Variants in ADGRE3 observed in about 807,000 individuals in gnomAD.
ADGRE3 encodes the protein adhesion G protein-coupled receptor E3.
Under a neutral mutation model 80.1 loss-of-function variants are expected in ADGRE3, and 88 were observed. The observed-to-expected ratio is 1.10, with a 90% CI of 0.93 to 1.31. ADGRE3 has a LOEUF of 1.31. Among genes scored for constraint, ADGRE3 ranks in the 40% most tolerant of loss-of-function variants. ADGRE3 has a pLI of 0.00. For missense variants in ADGRE3, 715 were observed against 776.5 expected, an observed-to-expected ratio of 0.92 and a Z score of 0.94; for synonymous variants, 281 against 294.8, an observed-to-expected ratio of 0.95 and a Z score of 0.48.
rs1333057535 is a variant in ADGRE3 at position 14,654,800 on chromosome 19, C to G, written c.577+182G>C. Among the ~76,000 whole-genome samples, 7 of 152,212 alleles carry G rather than the reference C, an allele frequency of 4.6e-5. No homozygotes were observed. In the South Asian group the frequency reaches 1.5e-3, roughly 32 times the overall value. On this transcript the variant is annotated intron_variant, in intron 6 of 15. Coordinates refer to ENST00000253673, the MANE Select transcript of ADGRE3 (RefSeq NM_032571.5). ...CAGATTTTCTCATGCCTCTGCCACC[C>G]CTCCCTCCTGCCCCTCCCTGTCACT...
chr19:14,617,342 C>CTCCCTCCCTCTA (rs2075083656), downstream of ADGRE3, among the ~76,000 whole-genome samples: 1 of 20,588 alleles, frequency 4.9e-5, no homozygotes, highest in Non-Finnish European at 1.2e-4. Context: ...CCCTCCCTCC[C>CTCCCTCCCTCTA]TTTCTTTCTT....
chr19:14,638,829 T>C (rs896277306), intron 10 of ADGRE3, among the ~76,000 whole-genome samples: 1 of 152,192 alleles, frequency 6.6e-6, no homozygotes, highest in Non-Finnish European at 1.5e-5. Flanking sequence ...TTCTACTCTC[T>C]ACTCCTACTG....
chr19:14,625,606 C>T lies in ADGRE3; in HGVS notation c.1813-7G>A. ...TTTGATATTGTTTCTGGACCTGGAA[C>T]ATCAAAGGAAATACCTGGATGGGTT... is the stretch of plus-strand genomic sequence containing the variant. On this transcript the variant is annotated splice_region_variant and splice_polypyrimidine_tract_variant and intron_variant, in intron 14 of 15. Transcript: ENST00000253673. The T allele has an allele frequency of 6.3e-7, 1 of 1,584,224 alleles. No homozygotes were observed. Among genetic ancestry groups the T allele is most frequent in the Non-Finnish European group, 8.7e-7 (1 of 1,153,412 alleles).
At chr19:14,640,174 C>T (rs554871012) in intron 10 of ADGRE3, among the ~76,000 whole-genome samples, 1 of 152,274 alleles carries the variant, frequency 6.6e-6, no homozygotes, top group East Asian at 1.9e-4. Context: ...CCTTCTTTTT[C>T]TGAAGGCTGA....
chr19:14,632,471 G>C (rs1003634741), intron 13 of ADGRE3, among the ~76,000 whole-genome samples: 1 of 152,118 alleles, frequency 6.6e-6, no homozygotes, highest in Non-Finnish European at 1.5e-5. Context: ...TTGCAGCTGG[G>C]TGTTATCATG....
chr19:14,663,882 G>A (rs1335615131), intron 2 of ADGRE3, among the ~76,000 whole-genome samples: 2 of 152,008 alleles, frequency 1.3e-5, no homozygotes, highest in South Asian at 2.1e-4. Context: ...CACGTGCCAC[G>A]TTGGTTTGCT....
chr19:14,652,036 T>G (rs1395766662), intron 6 of ADGRE3, among the ~76,000 whole-genome samples: 1 of 152,072 alleles, frequency 6.6e-6, no homozygotes, highest in Non-Finnish European at 1.5e-5. Flanking sequence ...AGTGAGACTC[T>G]GTCTCAAAAA....
At chr19:14,609,150 C>T in the ADGRE3 span, among the ~76,000 whole-genome samples, 1 of 152,250 alleles carries the variant, frequency 6.6e-6, no homozygotes, top group South Asian at 2.1e-4. Flanking sequence ...CAAAGCTATT[C>T]TCAGCTGAAT....
intron 15 of ADGRE3, among the ~76,000 whole-genome samples, chr19:14,620,564 A>AT (rs1970567579): frequency 1.7e-4 from 6 of 34,346 alleles, no homozygotes; most frequent in South Asian, 1.1e-3. Context: ...ATATATATAT[A>AT]TATATTTTTT....
chr19:14,650,628 CATCT>C (rs1449522863), intron 7 of ADGRE3, among the ~76,000 whole-genome samples: 9 of 46,614 alleles, frequency 1.9e-4, no homozygotes, highest in South Asian at 6.3e-4. Context: ...TCTCTGTCTC[CATCT>C]CTCTCTCTCT....
downstream of ADGRE3, among the ~76,000 whole-genome samples, chr19:14,617,344 T>TCTCTCTCTCTCTCTTTCTCTCTTTCTC (rs774654059): frequency 2.0e-5 from 1 of 49,332 alleles, no homozygotes; most frequent in Admixed American, 2.6e-4. Context: ...CTCCCTCCCT[T>TCTCTCTCTCTCTCTTTCTCTCTTTCTC]TCTTTCTTTC....
chr19:14,633,951 A>G (rs1970962693), intron 11 of ADGRE3, among the ~76,000 whole-genome samples: 1 of 151,564 alleles, frequency 6.6e-6, no homozygotes, highest in South Asian at 2.1e-4. Context: ...TAATTTTTGC[A>G]TTTTTAGTAG....
chr19:14,644,450 A>G (rs1160274385), intron 8 of ADGRE3, among the ~76,000 whole-genome samples, 175 bp from the exon 9 acceptor site: 1 of 151,772 alleles, frequency 6.6e-6, no homozygotes, highest in Non-Finnish European at 1.5e-5. Flanking sequence ...CCTCCCAAGT[A>G]GCTGGGATTA....
rs1383611947 is a variant in ADGRE3 at position 14,625,349 on chromosome 19, T to A, written c.1920+143A>T. ...AACCACCATGGCACACGTTTACCTA[T>A]GTAACAAACCTGCACATGTAACCTC... is the stretch of plus-strand genomic sequence containing the variant. On this transcript the variant is annotated intron_variant, in intron 15 of 15. Coordinates refer to ENST00000253673, the MANE Select transcript of ADGRE3 (RefSeq NM_032571.5). 5 of 620,924 alleles carry A rather than the reference T, an allele frequency of 8.1e-6. No homozygotes were observed. The South Asian group carries it at 9.4e-5, about 12-fold the overall frequency. The allele number at this position is 620,924 out of a possible 1,614,324, so 38.5% of individuals were successfully genotyped here.
At position 14,652,694 on chromosome 19, in the gene ADGRE3, C is replaced by T. The variant is rs972439196; in HGVS notation, c.578-1490G>A. 7.4e-5 allele frequency among the ~76,000 whole-genome samples: 11 copies of T among 148,896 alleles called. No homozygotes were observed. In the Admixed American group the frequency reaches 7.5e-4, roughly 10 times the overall value. On this transcript the variant is annotated intron_variant, in intron 6 of 15. Coordinates refer to ENST00000253673, the MANE Select transcript of ADGRE3 (RefSeq NM_032571.5). The stretch of plus-strand genomic sequence containing the variant: ...TAGGAAGGCTGAGGCAGGAGAATTG[C>T]TTGAACCCAGGAGGCAGAGGTTGCA...
At chr19:14,655,637 T>A (rs1275362303) in intron 5 of ADGRE3, among the ~76,000 whole-genome samples, 2 of 152,048 alleles carry the variant, frequency 1.3e-5, no homozygotes, top group African/African-American at 2.4e-5. Context: ...TTTAATTTTT[T>A]TTTTTGTATA....
chr19:14,613,996 T>C, the ADGRE3 span, among the ~76,000 whole-genome samples: 1 of 152,106 alleles, frequency 6.6e-6, no homozygotes, highest in East Asian at 1.9e-4. Context: ...TCGTTATTTA[T>C]TTTTAAGAGA....
At chr19:14,643,111 T>C (rs1971297049) in intron 9 of ADGRE3, among the ~76,000 whole-genome samples, 1 of 151,434 alleles carries the variant, frequency 6.6e-6, no homozygotes, top group South Asian at 2.1e-4. Flanking sequence ...TTTTTAATAG[T>C]AGTCATTCAT....
intron 9 of ADGRE3, 89 bp downstream of exon 9, chr19:14,644,019 G>GTTTTTT: frequency 1.5e-6 from 1 of 673,064 alleles, no homozygotes; most frequent in Non-Finnish European, 2.1e-6. Context: ...CCTTTTTTCA[G>GTTTTTT]TTTTTTTTTT....
Sources: allele counts gnomAD v4.1 joint callset (sites outside exome capture counted in the v4.1 genomes callset), GRCh38; gene constraint gnomAD v4.1.1; transcripts MANE v1.5; gene names NCBI Gene and HGNC (gene_info 2026-07-23, HGNC 2026-07-21).